TBATA: variants seen among roughly 807,000 people sequenced by gnomAD.
The protein encoded by TBATA is thymus, brain and testes associated.
TBATA carries 47 observed loss-of-function variants against 38.7 expected under a neutral mutation model. That is an observed-to-expected ratio of 1.21 (90% CI 0.96 to 1.55). TBATA has a LOEUF of 1.55. Among genes scored for constraint, TBATA ranks in the 40% most tolerant of loss-of-function variants. The pLI, the probability that TBATA is intolerant of heterozygous loss-of-function variation, is 0.00. For missense variants in TBATA, 436 were observed against 435.6 expected (o/e 1.00, Z -0.01); for synonymous variants, 183 against 170.5 (o/e 1.07, Z -0.57).
rs550944425 is a variant in TBATA at position 70,771,808 on chromosome 10, C to A, written c.974-347G>T. 3.9e-5 allele frequency among the ~76,000 whole-genome samples: 6 copies of A among 152,304 alleles called. No individual in the cohort carries two copies. The South Asian group carries it at 1.0e-3, about 26-fold the overall frequency. On this transcript the variant is annotated intron_variant, in intron 10 of 10. Coordinates refer to ENST00000456372, the MANE Select transcript of TBATA (RefSeq NM_001318241.2). ...CCAGCCTGCTGCCACCCCTGCCCCCCACTCTAGTCTAAGGCACCAGGATGA... is the reference window on the plus strand; with the variant it reads ...CCAGCCTGCTGCCACCCCTGCCCCCAACTCTAGTCTAAGGCACCAGGATGA...
Position 70,771,798 on chromosome 10 carries a change from C to A in TBATA, c.974-337G>T, listed in dbSNP as rs1430711213. On this transcript the variant is annotated intron_variant, in intron 10 of 10. Coordinates refer to ENST00000456372, the MANE Select transcript of TBATA (RefSeq NM_001318241.2). ...TCTCTCCCCTCCAGCCTGCTGCCAC[C>A]CCTGCCCCCCACTCTAGTCTAAGGC... 2.0e-5 allele frequency among the ~76,000 whole-genome samples: 3 copies of A among 152,138 alleles called. No individual in the cohort carries two copies. In the East Asian group the frequency reaches 5.8e-4, roughly 29 times the overall value.
chr10:70,782,255 G>A, intron 3 of TBATA: 4 of 1,446,892 alleles, frequency 2.8e-6, no homozygotes, highest in South Asian at 1.2e-5. Context: ...TCCTTATCAG[G>A]GAGCTGGCAT....
chr10:70,772,222 A>G, intron 10 of TBATA: 1 of 604,810 alleles, frequency 1.7e-6, no homozygotes, highest in Non-Finnish European at 3.2e-6. Context: ...ATCTGTCTCC[A>G]CTCCTCCCCA....
intron 1 of TBATA, among the ~76,000 whole-genome samples, chr10:70,785,026 G>A (rs1036591702): frequency 3.0e-5 from 2 of 66,818 alleles, no homozygotes; most frequent in Non-Finnish European, 8.0e-5. Flanking sequence ...AAGCCACCAG[G>A]GGGTCATAAC....
chr10:70,781,775 TC>T (rs781622338), intron 4 of TBATA, 25 bp downstream of exon 4: 1 of 1,600,674 alleles, frequency 6.2e-7, no homozygotes, highest in Non-Finnish European at 8.6e-7. Flanking sequence ...CTCCCTCTGC[TC>T]CCACCCCAAC....
Position 70,771,359 on chromosome 10 carries a change from G to A in TBATA, c.*17C>T, listed in dbSNP as rs1227899515. ...GGGGCTGCTCTTGAGCAAGGCAGGTGCAAGTGTTAGGGCCCCTCAGCTCTC... is the reference window on the plus strand; with the variant it reads ...GGGGCTGCTCTTGAGCAAGGCAGGTACAAGTGTTAGGGCCCCTCAGCTCTC... On this transcript the variant is annotated 3_prime_UTR_variant, in exon 11 of 11. Transcript: ENST00000456372. The A allele has an allele frequency of 1.2e-6, 2 of 1,614,166 alleles. No individual in the cohort carries two copies. The highest frequency in any genetic ancestry group is 1.1e-5 in the South Asian group (1 of 91,086).
rs766929596 is a variant in TBATA at position 70,781,840 on chromosome 10, G to A, written c.238C>T (p.Arg80Trp). The A allele has an allele frequency of 1.4e-5, 22 of 1,613,984 alleles. No homozygotes were observed. The highest frequency in any genetic ancestry group is 1.0e-4 in the Admixed American group (6 of 60,012). ...GRLSHHSFFS[R>W]HHPHPQHVTH... is the part of the protein sequence containing the mutation. ...ACGTGCTGGGGGTGTGGGTGGTGCC[G>A]GGAGAAGAAGGAGTGGTGACTGAGG... The change falls in exon 4 of 11, where the codon CGG becomes TGG. Residue 80 changes from arginine (R) to tryptophan (W), a missense_variant. Transcript: ENST00000456372.
intron 7 of TBATA, among the ~76,000 whole-genome samples, chr10:70,776,919 C>G (rs1843477413): frequency 6.6e-6 from 1 of 152,152 alleles, no homozygotes; most frequent in Non-Finnish European, 1.5e-5. Flanking sequence ...ACAGTGCGTT[C>G]ATGCTTCCAG....
chr10:70,776,275 C>G (rs1227993911), intron 7 of TBATA: 2 of 452,312 alleles, frequency 4.4e-6, no homozygotes, highest in Non-Finnish European at 8.9e-6. Context: ...CTGTGCTGAC[C>G]CACCCTGACC....
rs200788611 is a variant in TBATA at position 70,781,998 on chromosome 10, C to A, written c.80G>T (p.Arg27Leu). ...AELKLEKKSG[R>L]KPRSPRDSGP... ...ACTGTCCCTGGGGCTCCTTGGCTTG[C>A]GCCCTGACTTCTTCTCCAGTTTCAG... The change falls in exon 4 of 11, where the codon CGC becomes CTC. Residue 27 changes from arginine (R) to leucine (L), a missense_variant. Transcript: ENST00000456372. 2 of 1,614,144 alleles carry A rather than the reference C, an allele frequency of 1.2e-6. No homozygotes were observed. Among genetic ancestry groups the A allele is most frequent in the Non-Finnish European group, 1.7e-6 (2 of 1,180,056 alleles).
In TBATA at chr10:70,779,647, TG is replaced by T. The variant is rs1218365088; in HGVS notation, c.372del (p.Ile125SerfsTer25). ...TGTGGGTCTCCAATGGGGACAGAGA[TG>T]GTGGGTATCCCCATTTGACAGCCGG... ...VFSGCQMGIP[T>X]ISVPIGDPQS... On this transcript the variant is annotated frameshift_variant, in exon 5 of 11. Transcript: ENST00000456372. LOFTEE classifies it high-confidence loss of function. 6.5e-7 allele frequency: 1 copy of T among 1,531,606 alleles called. No homozygotes were observed. Among genetic ancestry groups the T allele is most frequent in the Non-Finnish European group, 8.7e-7 (1 of 1,148,912 alleles). The allele number at this position is 1,531,606 out of a possible 1,614,324, so 94.9% of individuals were successfully genotyped here.
At chr10:70,771,489 A>T (rs750534628) in intron 10 of TBATA, 28 bp from the exon 11 acceptor site, 1 of 1,608,940 alleles carries the variant, frequency 6.2e-7, no homozygotes. Flanking sequence ...AGCAGGCAGG[A>T]GAGGACCGGG....
chr10:70,782,314 G>A (rs1386475671), intron 3 of TBATA: 9 of 1,461,144 alleles, frequency 6.2e-6, no homozygotes, highest in Non-Finnish European at 7.3e-6. Flanking sequence ...TTTTCCCAGA[G>A]ACCATATCTG....
chr10:70,780,363 G>A (rs1268746544), intron 4 of TBATA, among the ~76,000 whole-genome samples: 1 of 152,076 alleles, frequency 6.6e-6, no homozygotes, highest in Non-Finnish European at 1.5e-5. Context: ...TAGCAGGGCT[G>A]CTGTCTCCTC....
At chr10:70,777,960 G>T in intron 6 of TBATA, 3 of 329,832 alleles carry the variant, frequency 9.1e-6, no homozygotes, top group South Asian at 7.0e-5. Context: ...GAGAAGCCGG[G>T]CCTCTGCCTG....
rs532217090 is a variant in TBATA at position 70,772,612 on chromosome 10, C to A, written c.921-46G>T. 5 of 1,605,522 alleles carry A rather than the reference C, an allele frequency of 3.1e-6. No individual in the cohort carries two copies. The East Asian group carries it at 6.7e-5, about 21-fold the overall frequency. On this transcript the variant is annotated intron_variant, in intron 9 of 10. Transcript: ENST00000456372. ...GGGGCTGGGAAGGTCATGCTGGAAA[C>A]CTGACCCCACGGGTGGCAGGGGAGA...
chr10:70,779,926 G>A (rs1426741244), intron 4 of TBATA, among the ~76,000 whole-genome samples, 184 bp from the exon 5 acceptor site: 3 of 152,088 alleles, frequency 2.0e-5, no homozygotes, highest in Non-Finnish European at 2.9e-5. Context: ...CTCACCCACG[G>A]GGGGATCCTA....
rs755586791 is a variant in TBATA, at chr10:70,777,254, G to A, written c.592C>T (p.Arg198Trp). 28 of 1,613,434 alleles carry A rather than the reference G, an allele frequency of 1.7e-5. No homozygotes were observed. The highest frequency in any genetic ancestry group is 6.7e-5 in the African/African-American group (5 of 74,866). The change falls in exon 7 of 11, where the codon CGG becomes TGG. Residue 198 changes from arginine (R) to tryptophan (W), a missense_variant. Transcript: ENST00000456372. ...ETGRLIPAST[R>W]AVGRRRSHQG... ...TGAGATCTGCGGCGGCCGACAGCCCGGGTGGAAGCGGGGATGAGCCTCCCA... is the reference window on the plus strand; with the variant it reads ...TGAGATCTGCGGCGGCCGACAGCCCAGGTGGAAGCGGGGATGAGCCTCCCA...
chr10:70,771,891 G>A lies in TBATA; in HGVS notation c.974-430C>T, dbSNP rs146074558. Among the ~76,000 whole-genome samples the A allele has an allele frequency of 1.7e-4, 26 of 152,184 alleles. 1 individual carries two copies. Among genetic ancestry groups the A allele is most frequent in the Non-Finnish European group, 1.2e-4 (8 of 68,014 alleles). ...ATTCTTGTCCCCCATAGTCCGTGCT[G>A]CACACAGTAGCCAGAGGGGGCATGC... On this transcript the variant is annotated intron_variant, in intron 10 of 10. Transcript: ENST00000456372.
Sources: gnomAD v4.1 joint callset for allele counts (sites outside exome capture counted in the v4.1 genomes callset) on GRCh38, gnomAD v4.1.1 for gene constraint, MANE v1.5 for transcripts, NCBI Gene and HGNC (gene_info 2026-07-23, HGNC 2026-07-21) for gene names.